SHOC1: variants seen among roughly 807,000 people sequenced by gnomAD.
SHOC1 encodes the protein shortage in chiasmata 1.
Under a neutral mutation model 179.2 loss-of-function variants are expected in SHOC1, and 136 were observed. The observed-to-expected ratio is 0.76, with a 90% CI of 0.66 to 0.87. The LOEUF is 0.87. Among genes scored for constraint, SHOC1 ranks in the 40% least tolerant of loss-of-function variants. The pLI, the probability that SHOC1 is intolerant of heterozygous loss-of-function variation, is 0.00. For missense variants in SHOC1, 1,538 were observed against 1,700.8 expected (o/e 0.90, Z 1.68); for synonymous variants, 489 against 586.6 (o/e 0.83, Z 2.41).
chr9:111,738,552 G>C, intron 11 of SHOC1, 30 bp from the exon 12 acceptor site: 1 of 1,501,178 alleles, frequency 6.7e-7, no homozygotes, highest in South Asian at 1.4e-5. Flanking sequence ...CAAATAGTTA[G>C]AAACAGTCTA....
At chr9:111,697,014 A>G (rs930054438) in intron 24 of SHOC1, among the ~76,000 whole-genome samples, 1 of 152,222 alleles carries the variant, frequency 6.6e-6, no homozygotes, top group Non-Finnish European at 1.5e-5. Flanking sequence ...TGTGCAAAGC[A>G]CTATGCTAGC....
intron 5 of SHOC1, 22 bp from the exon 6 acceptor site, chr9:111,758,870 A>G (rs952620120): frequency 7.3e-7 from 1 of 1,367,150 alleles, no homozygotes; most frequent in African/African-American, 1.5e-5. Context: ...TAAGAAATAT[A>G]AAGGAATAAG....
intron 12 of SHOC1, among the ~76,000 whole-genome samples, chr9:111,735,336 C>T (rs1028972584): frequency 1.3e-5 from 2 of 152,096 alleles, no homozygotes; most frequent in African/African-American, 4.8e-5. Context: ...CCTCCGTTAG[C>T]CCCCAACCCC....
chr9:111,758,043 A>T, intron 7 of SHOC1, 41 bp downstream of exon 7: 1 of 1,051,926 alleles, frequency 9.5e-7, no homozygotes, highest in Non-Finnish European at 1.4e-6. Flanking sequence ...AATGTGCCTC[A>T]CTACTTTTAC....
At chr9:111,706,141 T>C (rs1029433129) in intron 20 of SHOC1, among the ~76,000 whole-genome samples, 1 of 152,094 alleles carries the variant, frequency 6.6e-6, no homozygotes, top group Non-Finnish European at 1.5e-5. Flanking sequence ...AATAAAGTGA[T>C]GTATGAAGTG....
chr9:111,702,310 T>C, intron 22 of SHOC1, 84 bp from the exon 23 acceptor site: 2 of 941,784 alleles, frequency 2.1e-6, no homozygotes, highest in Non-Finnish European at 3.2e-6. Flanking sequence ...CAAGAATCTA[T>C]GACATATAAA....
At position 111,706,737 on chromosome 9, in the gene SHOC1, G is replaced by A; in HGVS notation, c.2568C>T (p.Ser856=). The change falls in exon 20 of 28, where the codon TCC becomes TCT. Residue 856 remains serine (S), a synonymous_variant. Transcript: ENST00000682961. ...ESEGVLRGTS[S]CVVVHNQYIG... is the part of the protein sequence containing the mutation. ...TATATTGATTATGTACAACTACACA[G>A]GAACTTGTACTAAAGACAAAAGAGA... is the stretch of plus-strand genomic sequence containing the variant. 1 of 1,587,134 alleles carries A rather than the reference G, an allele frequency of 6.3e-7. No homozygotes were observed. Among genetic ancestry groups the A allele is most frequent in the South Asian group, 1.2e-5 (1 of 86,000 alleles).
chr9:111,746,278 T>C lies in SHOC1; in HGVS notation c.1035A>G (p.Leu345=). The C allele has an allele frequency of 6.2e-7, 1 of 1,612,246 alleles. No homozygotes were observed. Among genetic ancestry groups the C allele is most frequent in the South Asian group, 1.1e-5 (1 of 91,030 alleles). ...LTCQHSSVNS[L]RTELQTFPLS... is the part of the protein sequence containing the mutation. ...ATGGAAATGTCTGAAGTTCTGTACG[T>C]AATGAATTCACTGAAGAATGTTGGC... The change falls in exon 10 of 28, where the codon TTA becomes TTG. Residue 345 remains leucine (L), a synonymous_variant. Coordinates refer to ENST00000682961, the MANE Select transcript of SHOC1 (RefSeq NM_001378211.1).
At chr9:111,741,066 G>A (rs546201990) in intron 11 of SHOC1, among the ~76,000 whole-genome samples, 2 of 152,234 alleles carry the variant, frequency 1.3e-5, no homozygotes, top group Admixed American at 6.5e-5. Context: ...ATTTCCGGCC[G>A]TTGTTAAAAT....
intron 25 of SHOC1, 88 bp downstream of exon 25, chr9:111,694,143 G>T: frequency 2.2e-6 from 3 of 1,333,514 alleles, no homozygotes; most frequent in Non-Finnish European, 2.1e-6. Flanking sequence ...GAGACATTTG[G>T]GGGAAAAATG....
rs987108853 is a variant in SHOC1 at position 111,722,317 on chromosome 9, T to C, written c.2131+92A>G. 11 of 1,228,344 alleles carry C rather than the reference T, an allele frequency of 9.0e-6. No homozygotes were observed. The African/African-American group carries it at 1.7e-4, about 19-fold the overall frequency. 76.1% of individuals were successfully genotyped at this position (1,228,344 alleles called of 1,614,324 possible). Reference sequence around the variant, plus strand: ...CAGTCATGCCACCATCTATGGCTAATTTCTGAATCTTCTATACCCAATTTT... The same window carrying C: ...CAGTCATGCCACCATCTATGGCTAACTTCTGAATCTTCTATACCCAATTTT... On this transcript the variant is annotated intron_variant, in intron 15 of 27. Transcript: ENST00000682961.
chr9:111,794,012 C>T (rs565081559), intron 1 of SHOC1, among the ~76,000 whole-genome samples: 27 of 151,848 alleles, frequency 1.8e-4, no homozygotes, highest in East Asian at 1.2e-3. Flanking sequence ...CCACCATGCC[C>T]GGCTAATTTT....
At position 111,722,518 on chromosome 9, in the gene SHOC1, G is replaced by T; in HGVS notation, c.2022C>A (p.Ser674=). ...AASPILKNLV[S]LCTLPTANWK... is the part of the protein sequence containing the mutation. ...AATTAGCAGTAGGGAGGGTACACAA[G>T]GATACAAGGTTTTTTAAGATAGGAG... The change falls in exon 15 of 28, where the codon TCC becomes TCA. Residue 674 remains serine, a synonymous_variant. Coordinates refer to ENST00000682961, the MANE Select transcript of SHOC1 (RefSeq NM_001378211.1). 6.2e-7 allele frequency: 1 copy of T among 1,611,400 alleles called. No homozygotes were observed. Among genetic ancestry groups the T allele is most frequent in the Non-Finnish European group, 8.5e-7 (1 of 1,179,476 alleles).
At chr9:111,699,857 C>T in intron 24 of SHOC1, 97 bp downstream of exon 24, 2 of 634,880 alleles carry the variant, frequency 3.2e-6, no homozygotes, top group Admixed American at 2.6e-5. Flanking sequence ...GTTTTTAATT[C>T]ATTTGCTTAA....
intron 21 of SHOC1, 54 bp downstream of exon 21, chr9:111,705,193 A>C (rs891428979): frequency 1.5e-5 from 11 of 735,734 alleles, no homozygotes; most frequent in African/African-American, 1.5e-4. Context: ...ACACACACAC[A>C]CACATATATA....
intron 4 of SHOC1, among the ~76,000 whole-genome samples, chr9:111,776,478 A>G (rs1361850265): frequency 2.0e-5 from 3 of 152,200 alleles, no homozygotes; most frequent in African/African-American, 7.2e-5. Flanking sequence ...CACATTGCCA[A>G]ACTGCCCTTG....
chr9:111,740,505 T>C (rs964823786), intron 11 of SHOC1, among the ~76,000 whole-genome samples: 4 of 152,222 alleles, frequency 2.6e-5, no homozygotes, highest in Admixed American at 2.6e-4. Context: ...CTCAGATAAA[T>C]TTTGAATATA....
At position 111,723,921 on chromosome 9, in the gene SHOC1, C is replaced by A; in HGVS notation, c.1835-10G>T. 3 of 1,495,812 alleles carry A rather than the reference C, an allele frequency of 2.0e-6. No individual in the cohort carries two copies. Among genetic ancestry groups the A allele is most frequent in the South Asian group, 1.3e-5 (1 of 79,796 alleles). The allele number at this position is 1,495,812 out of a possible 1,614,324, so 92.7% of individuals were successfully genotyped here. ...GAACATGCTTCTTTATCTTGAAATTCCAATAAAAAATATAAATTTTTGTTG... is the reference window on the plus strand; with the variant it reads ...GAACATGCTTCTTTATCTTGAAATTACAATAAAAAATATAAATTTTTGTTG... On this transcript the variant is annotated splice_polypyrimidine_tract_variant and intron_variant, in intron 13 of 27. Transcript: ENST00000682961.
At chr9:111,785,399 TC>T (rs1343233680) in intron 3 of SHOC1, among the ~76,000 whole-genome samples, 1 of 72,608 alleles carries the variant, frequency 1.4e-5, no homozygotes, top group Non-Finnish European at 2.7e-5. Context: ...AGAGACTACT[TC>T]TATGTCTTTT....
Sources: allele counts gnomAD v4.1 joint callset (sites outside exome capture counted in the v4.1 genomes callset), GRCh38; gene constraint gnomAD v4.1.1; transcripts MANE v1.5; gene names NCBI Gene and HGNC (gene_info 2026-07-23, HGNC 2026-07-21).